Variants in WAC observed in about 807,000 individuals in gnomAD.
The protein encoded by WAC is WW domain containing adaptor with coiled-coil, also known as WW domain-containing adapter protein with coiled-coil.
Under a neutral mutation model 79.6 loss-of-function variants are expected in WAC, and 11 were observed. That is an observed-to-expected ratio of 0.14 (90% CI 0.09 to 0.23). WAC has a LOEUF of 0.23. Among genes scored for constraint, WAC ranks in the 10% least tolerant of loss-of-function variants. The pLI is 1.00. For missense variants in WAC, 728 were observed against 773.5 expected (o/e 0.94, Z 0.70); for synonymous variants, 304 against 276.9 (o/e 1.10, Z -0.97).
At chr10:28,596,531 C>G (rs1840378244) in intron 7 of WAC, among the ~76,000 whole-genome samples, 1 of 152,146 alleles carries the variant, frequency 6.6e-6, no homozygotes, top group Non-Finnish European at 1.5e-5. Flanking sequence ...GACCTTAAGT[C>G]TGAAGAGTGG....
chr10:28,589,866 A>G lies in WAC; in HGVS notation c.497+15A>G. On this transcript the variant is annotated intron_variant, in intron 5 of 13. Transcript: ENST00000354911. ...TGGCTTGAAAGGTAATTAGCTTTTA[A>G]TCTAATTAAACATTATTTCTCTAGC... 2.6e-6 allele frequency: 4 copies of G among 1,538,594 alleles called. No homozygotes were observed. Among genetic ancestry groups the G allele is most frequent in the African/African-American group, 2.7e-5 (2 of 73,364 alleles).
chr10:28,590,586 A>C (rs1054065976), intron 5 of WAC, 134 bp from the exon 6 acceptor site: 1 of 687,482 alleles, frequency 1.5e-6, no homozygotes, highest in African/African-American at 1.8e-5. Flanking sequence ...CTCACACACC[A>C]GTTAAATTAT....
Position 28,619,657 on chromosome 10 carries a change from G to T in WAC, c.*51G>T. On this transcript the variant is annotated 3_prime_UTR_variant, in exon 14 of 14. Coordinates refer to ENST00000354911, the MANE Select transcript of WAC (RefSeq NM_016628.5). ...TGAGAACAGGAACTGTAAATCTGTT[G>T]CCCAATCTTAACATTTTTGAGCTGC... The T allele has an allele frequency of 6.8e-7, 1 of 1,467,682 alleles. No individual in the cohort carries two copies. Among genetic ancestry groups the T allele is most frequent in the East Asian group, 2.5e-5 (1 of 39,942 alleles). 90.9% of individuals were successfully genotyped at this position (1,467,682 alleles called of 1,614,324 possible).
chr10:28,608,467 G>C (rs1010725250), intron 8 of WAC, 36 bp downstream of exon 8: 14 of 1,534,566 alleles, frequency 9.1e-6, no homozygotes, highest in Admixed American at 8.1e-5. Context: ...AAATTTATTT[G>C]CATTGTGCAA....
chr10:28,544,429 C>T (rs1837240693), intron 3 of WAC, among the ~76,000 whole-genome samples: 1 of 152,166 alleles, frequency 6.6e-6, no homozygotes, highest in African/African-American at 2.4e-5. Context: ...TAACATGCTA[C>T]TTAATTTCTG....
At chr10:28,573,988 C>T (rs1384380791) in intron 3 of WAC, among the ~76,000 whole-genome samples, 3 of 151,526 alleles carry the variant, frequency 2.0e-5, no homozygotes, top group Non-Finnish European at 4.4e-5. Flanking sequence ...TGGGGTATTT[C>T]ACTTGGCATA....
chr10:28,569,638 A>G (rs576812638), intron 3 of WAC, among the ~76,000 whole-genome samples: 21 of 152,302 alleles, frequency 1.4e-4, no homozygotes, highest in Admixed American at 8.5e-4. Context: ...GTGAACTTCT[A>G]TAATCTAGTT....
chr10:28,537,572 A>G (rs1336629117), intron 3 of WAC: 6 of 152,198 alleles, frequency 3.9e-5, no homozygotes, highest in Admixed American at 3.3e-4. Flanking sequence ...TGCTCAGCCA[A>G]TTCTTTTACA....
At chr10:28,611,350 C>T (rs1252117024) in intron 9 of WAC, 2 of 1,295,026 alleles carry the variant, frequency 1.5e-6, no homozygotes, top group Non-Finnish European at 2.0e-6. Flanking sequence ...TGATAAACAG[C>T]AGGAATGCCT....
intron 3 of WAC, among the ~76,000 whole-genome samples, chr10:28,561,309 G>A (rs991707891): frequency 1.6e-4 from 24 of 152,126 alleles, no homozygotes; most frequent in Non-Finnish European, 2.5e-4. Flanking sequence ...TACACATAAA[G>A]GAAGCCCCCA....
At chr10:28,617,176 G>A in intron 12 of WAC, among the ~76,000 whole-genome samples, 1 of 152,204 alleles carries the variant, frequency 6.6e-6, no homozygotes, top group Admixed American at 6.5e-5. Flanking sequence ...TGGGATGAGA[G>A]ACCTTAGGAC....
At chr10:28,535,851 TGTTCA>T in intron 3 of WAC, 94 bp downstream of exon 3, 2 of 1,036,536 alleles carry the variant, frequency 1.9e-6, no homozygotes, top group South Asian at 1.8e-5. Flanking sequence ...AAGAAGTTAC[TGTTCA>T]GTTATGTCAT....
intron 10 of WAC, among the ~76,000 whole-genome samples, chr10:28,614,336 G>A (rs375128702): frequency 2.0e-4 from 30 of 152,132 alleles, no homozygotes; most frequent in African/African-American, 6.5e-4. Flanking sequence ...CTCGTGATCC[G>A]CCCGCCTCGG....
intron 3 of WAC, among the ~76,000 whole-genome samples, chr10:28,553,220 T>C (rs995314273): frequency 2.0e-5 from 3 of 151,320 alleles, no homozygotes; most frequent in Non-Finnish European, 4.4e-5. Context: ...ACAAATCTTT[T>C]ATAGTTTTTG....
At position 28,622,423 on chromosome 10, in the gene WAC, CT is replaced by C. The variant is rs1841725432; in HGVS notation, c.*2818del. On this transcript the variant is annotated 3_prime_UTR_variant, in exon 14 of 14. Coordinates refer to ENST00000354911, the MANE Select transcript of WAC (RefSeq NM_016628.5). ...GAACTTGAGTGGCCTTTCCCTCCCC[CT>C]GCCCCCCCCCCCCCCCCCCCGTTTT... 1 of 8,552 alleles carries C rather than the reference CT, an allele frequency of 1.2e-4. No individual in the cohort carries two copies. Among genetic ancestry groups the C allele is most frequent in the African/African-American group, 5.0e-4 (1 of 1,992 alleles). 0.5% of individuals were successfully genotyped at this position (8,552 alleles called of 1,614,324 possible).
chr10:28,603,974 T>C lies in WAC; in HGVS notation c.920-4212T>C, dbSNP rs866645405. ...ATATGTATGTATGTATATATATATATATATATATATATATGTATATATATA... is the reference window on the plus strand; with the variant it reads ...ATATGTATGTATGTATATATATATACATATATATATATATGTATATATATA... On this transcript the variant is annotated intron_variant, in intron 7 of 13. Coordinates refer to ENST00000354911, the MANE Select transcript of WAC (RefSeq NM_016628.5). Among the ~76,000 whole-genome samples, 32 of 45,770 alleles carry C rather than the reference T, an allele frequency of 7.0e-4. 4 individuals carry two copies. The highest frequency in any genetic ancestry group is 4.5e-3 in the Admixed American group (21 of 4,704). 30.0% of individuals were successfully genotyped at this position (45,770 alleles called of 152,430 possible). A position where few individuals can be genotyped will look rare whatever the true frequency, so the allele number is the denominator to read the frequency against.
intron 4 of WAC, among the ~76,000 whole-genome samples, chr10:28,583,931 C>T (rs912870058): frequency 1.1e-4 from 16 of 152,154 alleles, no homozygotes; most frequent in African/African-American, 3.6e-4. Flanking sequence ...TATACAGTTA[C>T]CTGTCCACAA....
chr10:28,584,578 A>G (rs1227631894), intron 4 of WAC, among the ~76,000 whole-genome samples: 3 of 152,202 alleles, frequency 2.0e-5, no homozygotes, highest in African/African-American at 2.4e-5. Flanking sequence ...GAAATATAGG[A>G]AAGAATGAAC....
chr10:28,611,758 C>T lies in WAC; in HGVS notation c.1289-16C>T. On this transcript the variant is annotated splice_polypyrimidine_tract_variant and intron_variant, in intron 9 of 13. Transcript: ENST00000354911. ...TTTTGTTTTTCTTTAAAATTAATTGCTTCCCTCTTTTACAGCCCAGCCATC... is the reference window on the plus strand; with the variant it reads ...TTTTGTTTTTCTTTAAAATTAATTGTTTCCCTCTTTTACAGCCCAGCCATC... The T allele has an allele frequency of 6.2e-7, 1 of 1,600,364 alleles. No homozygotes were observed. The highest frequency in any genetic ancestry group is 8.5e-7 in the Non-Finnish European group (1 of 1,176,410).
Sources: gnomAD v4.1 joint callset for allele counts (sites outside exome capture counted in the v4.1 genomes callset) on GRCh38, gnomAD v4.1.1 for gene constraint, MANE v1.5 for transcripts, NCBI Gene and HGNC (gene_info 2026-07-23, HGNC 2026-07-21) for gene names.